Variants in TET2 observed in about 807,000 individuals in gnomAD.
TET2 encodes the protein methylcytosine dioxygenase TET2.
Under a neutral mutation model 142.9 loss-of-function variants are expected in TET2, and 299 were observed. That is an observed-to-expected ratio of 2.09 (90% CI 1.90 to 2.30). TET2 has a LOEUF of 2.30. TET2 is among the 30% of genes most tolerant of loss of function. The pLI, the probability that TET2 is intolerant of heterozygous loss-of-function variation, is 0.00. For synonymous variants in TET2, 819 were observed against 849.0 expected (o/e 0.96, Z 0.61); for missense variants, 2,418 against 2,378.0 (o/e 1.02, Z -0.35).
chr4:105,245,114 T>C (rs1729522092), intron 6 of TET2, among the ~76,000 whole-genome samples: 1 of 152,196 alleles, frequency 6.6e-6, no homozygotes, highest in Non-Finnish European at 1.5e-5. Context: ...ACACAGTTTC[T>C]CTCTCTGGGT....
At chr4:105,174,068 T>C (rs2110426665) in intron 1 of TET2, among the ~76,000 whole-genome samples, 1 of 152,288 alleles carries the variant, frequency 6.6e-6, no homozygotes, top group Middle Eastern at 3.4e-3. Context: ...AGTATGCTAA[T>C]TATATTTCTA....
chr4:105,244,794 C>T (rs1729506255), intron 6 of TET2, among the ~76,000 whole-genome samples: 1 of 152,044 alleles, frequency 6.6e-6, no homozygotes, highest in Admixed American at 6.6e-5. Context: ...AGGGTTTCTC[C>T]ATGTTGGTCA....
In TET2 at chr4:105,277,247, A is replaced by G; in HGVS notation, c.*728A>G. ...ATTCAAGTTTTTATCATAATTACCT[A>G]TTCTTACACAAGCTTAGTTTTTAAA... On this transcript the variant is annotated 3_prime_UTR_variant, in exon 11 of 11. Transcript: ENST00000380013. 1 of 226,998 alleles carries G rather than the reference A, an allele frequency of 4.4e-6. No homozygotes were observed. The highest frequency in any genetic ancestry group is 6.4e-5 in the East Asian group (1 of 15,680). The allele number at this position is 226,998 out of a possible 1,614,324, so 14.1% of individuals were successfully genotyped here. A position where few individuals can be genotyped will look rare whatever the true frequency, so the allele number is the denominator to read the frequency against.
At chr4:105,185,247 C>T (rs1353920170) in intron 1 of TET2, among the ~76,000 whole-genome samples, 2 of 151,926 alleles carry the variant, frequency 1.3e-5, no homozygotes, top group Non-Finnish European at 2.9e-5. Flanking sequence ...TTACCTTTCC[C>T]CAAAATGAAA....
intron 2 of TET2, among the ~76,000 whole-genome samples, chr4:105,203,688 A>G (rs1486574766): frequency 6.6e-6 from 1 of 152,212 alleles, no homozygotes; most frequent in African/African-American, 2.4e-5. Flanking sequence ...CTAAACTCTT[A>G]ACATAGCACA....
chr4:105,240,299 C>T, intron 3 of TET2: 1 of 1,033,772 alleles, frequency 9.7e-7, no homozygotes. Flanking sequence ...AAGAACAAAG[C>T]ACAATAAAAC....
chr4:105,163,859 G>A (rs1459091149), intron 1 of TET2, among the ~76,000 whole-genome samples: 1 of 148,832 alleles, frequency 6.7e-6, no homozygotes, highest in Non-Finnish European at 1.5e-5. Flanking sequence ...GAGAGAGTGT[G>A]TGTGTGTGTG....
intron 4 of TET2, 27 bp from the exon 5 acceptor site, chr4:105,242,807 G>A: frequency 6.5e-7 from 1 of 1,546,918 alleles, no homozygotes; most frequent in Non-Finnish European, 8.7e-7. Flanking sequence ...AATTGTATGT[G>A]TGTGTGTTTC....
chr4:105,199,495 G>A (rs1226299363), intron 2 of TET2, among the ~76,000 whole-genome samples: 1 of 151,990 alleles, frequency 6.6e-6, no homozygotes, highest in Non-Finnish European at 1.5e-5. Context: ...CTCCTTTAAG[G>A]AAATTTATGG....
At chr4:105,262,422 A>G (rs1730486892) in intron 8 of TET2, among the ~76,000 whole-genome samples, 1 of 152,118 alleles carries the variant, frequency 6.6e-6, no homozygotes, top group Non-Finnish European at 1.5e-5. Flanking sequence ...AGACAGGTAG[A>G]TGATTTGGTC....
intron 8 of TET2, among the ~76,000 whole-genome samples, chr4:105,263,907 A>ATGGAGGAAAGCTGGG (rs1382153340): frequency 6.6e-6 from 1 of 152,154 alleles, no homozygotes; most frequent in Non-Finnish European, 1.5e-5. Context: ...AGCTGGAATG[A>ATGGAGGAAAGCTGGG]TGAGAAGACA....
chr4:105,164,351 C>T (rs1724042259), intron 1 of TET2, among the ~76,000 whole-genome samples: 1 of 152,134 alleles, frequency 6.6e-6, no homozygotes, highest in South Asian at 2.1e-4. Context: ...TTCAGGTTGC[C>T]TTAGCATTTG....
At chr4:105,273,078 G>A (rs1412253495) in intron 10 of TET2, among the ~76,000 whole-genome samples, 160 bp downstream of exon 10, 2 of 152,148 alleles carry the variant, frequency 1.3e-5, no homozygotes, top group South Asian at 4.1e-4. Context: ...GTGATTTGCT[G>A]CACAGATCAA....
intron 8 of TET2, among the ~76,000 whole-genome samples, chr4:105,262,735 G>T (rs959956389): frequency 2.0e-5 from 3 of 152,042 alleles, no homozygotes; most frequent in Non-Finnish European, 4.4e-5. Flanking sequence ...TACAAAATTA[G>T]CTGGGTGTGG....
At chr4:105,240,548 C>G (rs1348348698) in intron 3 of TET2, 1 of 1,079,206 alleles carries the variant, frequency 9.3e-7, no homozygotes, top group Non-Finnish European at 1.1e-6. Flanking sequence ...ATGAGATACC[C>G]CACACTGTGT....
chr4:105,263,027 C>A (rs1185692927), intron 8 of TET2, among the ~76,000 whole-genome samples: 1 of 114,332 alleles, frequency 8.7e-6, no homozygotes, highest in Non-Finnish European at 2.1e-5. Flanking sequence ...GACCCAGATT[C>A]TAAAAAAAAA....
In TET2 at chr4:105,276,587, C is replaced by T. The variant is rs1731235388; in HGVS notation, c.*68C>T. ...ACCAACCTGTCAGTAGTATAGTTCT[C>T]ATGACGTGGGCAGTGGGGAAAGGTC... On this transcript the variant is annotated 3_prime_UTR_variant, in exon 11 of 11. Transcript: ENST00000380013. The T allele has an allele frequency of 1.1e-5, 16 of 1,465,538 alleles. No individual in the cohort carries two copies. Among genetic ancestry groups the T allele is most frequent in the East Asian group, 2.5e-5 (1 of 40,208 alleles). The allele number at this position is 1,465,538 out of a possible 1,614,324, so 90.8% of individuals were successfully genotyped here. A position where few individuals can be genotyped will look rare whatever the true frequency, so the allele number is the denominator to read the frequency against.
At chr4:105,185,705 G>A (rs374606781) in intron 1 of TET2, among the ~76,000 whole-genome samples, 1 of 152,168 alleles carries the variant, frequency 6.6e-6, no homozygotes, top group East Asian at 1.9e-4. Flanking sequence ...CGTGAACCGG[G>A]GAGGCGGAGC....
At chr4:105,232,267 T>TA (rs1270810175) in intron 2 of TET2, among the ~76,000 whole-genome samples, 10 of 152,224 alleles carry the variant, frequency 6.6e-5, no homozygotes, top group African/African-American at 2.4e-4. Flanking sequence ...GTCTACTACT[T>TA]ACGGACATTT....
Sources: gnomAD v4.1 joint callset for allele counts (sites outside exome capture counted in the v4.1 genomes callset) on GRCh38, gnomAD v4.1.1 for gene constraint, MANE v1.5 for transcripts, NCBI Gene and HGNC (gene_info 2026-07-23, HGNC 2026-07-21) for gene names.